The following PDC variants were observed in gnomAD, a reference collection of about 807,000 sequenced individuals.
PDC encodes 33 kDa phototransducing protein.
A neutral mutation model predicts 22.2 loss-of-function variants in PDC; 19 were observed. That is an observed-to-expected ratio of 0.86 (90% CI 0.60 to 1.26). The LOEUF is 1.26. PDC is among the 50% of genes most tolerant of loss of function. The pLI, the probability that PDC is intolerant of heterozygous loss-of-function variation, is 0.00. For synonymous variants in PDC, 97 were observed against 96.2 expected (o/e 1.01, Z -0.05); for missense variants, 274 against 286.8 (o/e 0.96, Z 0.32).
At chr1:186,455,797 TAAAAAAAA>T (rs71104862) in intron 1 of PDC, among the ~76,000 whole-genome samples, 2 of 39,356 alleles carry the variant, frequency 5.1e-5, no homozygotes, top group African/African-American at 2.2e-4. Flanking sequence ...CCGTCTCTAC[TAAAAAAAA>T]AAAAAAAAAA....
chr1:186,449,659 T>C (rs1025580713), intron 1 of PDC, among the ~76,000 whole-genome samples, 176 bp from the exon 2 acceptor site: 4 of 152,186 alleles, frequency 2.6e-5, no homozygotes, highest in Non-Finnish European at 5.9e-5. Context: ...TTAGAATGTT[T>C]CTGTCCGCAA....
At chr1:186,446,069 G>C (rs1015125233) in intron 3 of PDC, among the ~76,000 whole-genome samples, 4 of 152,104 alleles carry the variant, frequency 2.6e-5, no homozygotes, top group Non-Finnish European at 5.9e-5. Flanking sequence ...TTACATTTGT[G>C]TAGTATTTTA....
chr1:186,449,386 T>C lies in PDC; in HGVS notation c.61+13A>G, dbSNP rs1182923678. On this transcript the variant is annotated intron_variant, in intron 2 of 3. Coordinates refer to ENST00000391997, the MANE Select transcript of PDC (RefSeq NM_002597.5). The stretch of plus-strand genomic sequence containing the variant: ...TTAATTTAATAATTATTTTTTCTTC[T>C]AGCTTTGCTTGCCTGTATGTGTGGC... 2.6e-6 allele frequency: 4 copies of C among 1,561,424 alleles called. No individual in the cohort carries two copies. The highest frequency in any genetic ancestry group is 3.5e-6 in the Non-Finnish European group (4 of 1,140,024).
At chr1:186,447,358 A>G (rs753539805) in intron 2 of PDC, among the ~76,000 whole-genome samples, 20 of 152,120 alleles carry the variant, frequency 1.3e-4, no homozygotes, top group Admixed American at 3.9e-4. Flanking sequence ...TATGTTGGCC[A>G]GGCTGGTCTT....
intron 1 of PDC, chr1:186,451,780 A>G (rs1411655614): frequency 6.6e-6 from 1 of 152,210 alleles, no homozygotes; most frequent in African/African-American, 2.4e-5. Context: ...GTTACTTAGG[A>G]CAAAATGTAT....
At chr1:186,459,500 A>G (rs1228371603) in intron 1 of PDC, among the ~76,000 whole-genome samples, 1 of 152,132 alleles carries the variant, frequency 6.6e-6, no homozygotes, top group African/African-American at 2.4e-5. Context: ...CATAACAGCC[A>G]TCTTTTTTAA....
intron 1 of PDC, among the ~76,000 whole-genome samples, chr1:186,459,624 A>C (rs768063537): frequency 1.3e-5 from 2 of 151,566 alleles, no homozygotes; most frequent in African/African-American, 2.4e-5. Flanking sequence ...TATAATATCA[A>C]ATCCACTTAT....
At chr1:186,455,994 A>AAAAAT (rs1553242743) in intron 1 of PDC, among the ~76,000 whole-genome samples, 57 of 77,078 alleles carry the variant, frequency 7.4e-4, no homozygotes, top group Non-Finnish European at 9.1e-4. Flanking sequence ...AAAAAAAAAA[A>AAAAAT]ATATATATAT....
At chr1:186,451,470 G>A (rs948405336) in intron 1 of PDC, among the ~76,000 whole-genome samples, 1 of 152,060 alleles carries the variant, frequency 6.6e-6, no homozygotes. Flanking sequence ...CAAAGAAATG[G>A]AAATTTATTT....
chr1:186,444,601 CT>C (rs995316100), intron 3 of PDC, 95 bp from the exon 4 acceptor site: 11 of 765,250 alleles, frequency 1.4e-5, no homozygotes, highest in Non-Finnish European at 2.1e-5. Flanking sequence ...TACTTTTGCT[CT>C]TTTTTTTCTG....
At chr1:186,450,051 G>A (rs1189374077) in intron 1 of PDC, among the ~76,000 whole-genome samples, 1 of 152,102 alleles carries the variant, frequency 6.6e-6, no homozygotes, top group African/African-American at 2.4e-5. Context: ...TAAGTTACTT[G>A]CCCAAGATCA....
At position 186,450,283 on chromosome 1, in the gene PDC, G is replaced by A. The variant is rs577790787; in HGVS notation, c.-24-800C>T. On this transcript the variant is annotated intron_variant, in intron 1 of 3. Transcript: ENST00000391997. ...CATGGGACAAGTTTTCATGACAACA[G>A]TAGCCACCAAGCAAATGGAAATAGC... Among the ~76,000 whole-genome samples, 3 of 152,138 alleles carry A rather than the reference G, an allele frequency of 2.0e-5. No homozygotes were observed. The South Asian group carries it at 6.2e-4, about 32-fold the overall frequency.
intron 1 of PDC, among the ~76,000 whole-genome samples, chr1:186,453,740 T>C (rs1002877678): frequency 6.6e-6 from 1 of 152,190 alleles, no homozygotes; most frequent in Non-Finnish European, 1.5e-5. Context: ...AGTGGCAAAT[T>C]TTAAAGAACC....
chr1:186,452,159 C>A (rs1482250190), intron 1 of PDC, among the ~76,000 whole-genome samples: 1 of 152,212 alleles, frequency 6.6e-6, no homozygotes, highest in Non-Finnish European at 1.5e-5. Flanking sequence ...TTTATCCTGT[C>A]ACCAACTCAC....
In PDC at chr1:186,443,838, A is replaced by G; in HGVS notation, c.*141T>C. 1 of 646,830 alleles carries G rather than the reference A, an allele frequency of 1.5e-6. No homozygotes were observed. The highest frequency in any genetic ancestry group is 2.5e-5 in the East Asian group (1 of 39,250). The allele number at this position is 646,830 out of a possible 1,614,324, so 40.1% of individuals were successfully genotyped here. On this transcript the variant is annotated 3_prime_UTR_variant, in exon 4 of 4. Transcript: ENST00000391997. ...GTAACTAATACTAAGAAATGCTAAT[A>G]ACTCGATTGTTGCATCAGTCATTTT...
intron 3 of PDC, among the ~76,000 whole-genome samples, chr1:186,444,766 A>G (rs527622804): frequency 6.6e-6 from 1 of 152,270 alleles, no homozygotes; most frequent in East Asian, 1.9e-4. Context: ...TATAGCAACA[A>G]ACACTATTAT....
At chr1:186,446,311 C>T (rs905967410) in intron 3 of PDC, 115 bp downstream of exon 3, 5 of 732,634 alleles carry the variant, frequency 6.8e-6, no homozygotes, top group Non-Finnish European at 6.1e-6. Context: ...TTTTTGCCAG[C>T]GTAAGCAATA....
At chr1:186,460,731 A>G (rs1662565317) in intron 1 of PDC, among the ~76,000 whole-genome samples, 2 of 152,166 alleles carry the variant, frequency 1.3e-5, no homozygotes, top group Non-Finnish European at 2.9e-5. Flanking sequence ...CTCATCATTT[A>G]TTCTCTTTAG....
In PDC at chr1:186,446,523, C is replaced by G. The variant is rs759477102; in HGVS notation, c.116G>C (p.Ser39Thr). 3 of 1,598,264 alleles carry G rather than the reference C, an allele frequency of 1.9e-6. No individual in the cohort carries two copies. The highest frequency in any genetic ancestry group is 2.6e-6 in the Non-Finnish European group (3 of 1,167,240). ...CTTCTTGCTAGGTGGAATTGAATCA[C>G]TGTCTTGACTCTCTAATTTAAACTT... The part of the protein sequence containing the change: ...WRKFKLESQD[S>T]DSIPPSKKEI... The change falls in exon 3 of 4, where the codon AGT becomes ACT. Residue 39 changes from serine (S) to threonine (T), a missense_variant. Ser to Thr is a moderately conservative substitution (Grantham distance 58). Coordinates refer to ENST00000391997, the MANE Select transcript of PDC (RefSeq NM_002597.5).
Sources: gnomAD v4.1 joint callset for allele counts (sites outside exome capture counted in the v4.1 genomes callset) on GRCh38, gnomAD v4.1.1 for gene constraint, MANE v1.5 for transcripts, NCBI Gene and HGNC (gene_info 2026-07-23, HGNC 2026-07-21) for gene names.